DIAPH3: variants seen among roughly 807,000 people sequenced by gnomAD.
DIAPH3 encodes the protein diaphanous related formin 3, also known as protein diaphanous homolog 3.
In DIAPH3, 117 loss-of-function variants were observed where a neutral mutation model predicts 144.3. The observed-to-expected ratio is 0.81, with a 90% CI of 0.70 to 0.95. The LOEUF is 0.95. Ranked by LOEUF, DIAPH3 falls within the 40% of genes least tolerant of loss-of-function variation. The pLI is 0.00. For synonymous variants in DIAPH3, 519 were observed against 488.9 expected, an observed-to-expected ratio of 1.06 and a Z score of -0.81; for missense variants, 1,421 against 1,412.7, an observed-to-expected ratio of 1.01 and a Z score of -0.09.
chr13:59,707,609 T>C (rs2034502912), intron 27 of DIAPH3, among the ~76,000 whole-genome samples: 1 of 152,218 alleles, frequency 6.6e-6, no homozygotes, highest in South Asian at 2.1e-4. Context: ...ATATCAAGGT[T>C]TAATATTTCT....
chr13:59,901,223 A>G (rs1339558064), intron 20 of DIAPH3, among the ~76,000 whole-genome samples: 1 of 152,224 alleles, frequency 6.6e-6, no homozygotes, highest in African/African-American at 2.4e-5. Flanking sequence ...CGGCTTTCTT[A>G]AAATAAAATC....
At chr13:60,006,940 G>A (rs1461268466) in intron 9 of DIAPH3, among the ~76,000 whole-genome samples, 1 of 152,154 alleles carries the variant, frequency 6.6e-6, no homozygotes, top group Non-Finnish European at 1.5e-5. Context: ...CTTCAATCCT[G>A]CCTATTCGAA....
chr13:59,774,807 TC>T lies in DIAPH3; in HGVS notation c.3179del (p.Gly1060GlufsTer2). The T allele has an allele frequency of 1.2e-6, 2 of 1,614,050 alleles. No homozygotes were observed. Among genetic ancestry groups the T allele is most frequent in the Non-Finnish European group, 8.5e-7 (1 of 1,179,958 alleles). ...LEMKTEGDET[G>X]VMDNLLEALQ... ...AGGCCTCCAGCAGATTATCCATCAC[TC>T]CTGTCTCATCACCCTCTGTGAAAAG... On this transcript the variant is annotated frameshift_variant, in exon 26 of 28. Coordinates refer to ENST00000400324, the MANE Select transcript of DIAPH3 (RefSeq NM_001042517.2). LOFTEE classifies it high-confidence loss of function.
chr13:59,897,019 G>A (rs1306441602), intron 20 of DIAPH3, among the ~76,000 whole-genome samples: 3 of 152,108 alleles, frequency 2.0e-5, no homozygotes, highest in Non-Finnish European at 4.4e-5. Context: ...CCAAAGTATA[G>A]AAAGTCTGGA....
At chr13:59,964,028 C>T (rs2049915940) in intron 17 of DIAPH3, among the ~76,000 whole-genome samples, 1 of 152,070 alleles carries the variant, frequency 6.6e-6, no homozygotes, top group Non-Finnish European at 1.5e-5. Flanking sequence ...GAACTTTAAG[C>T]AATCGGAGGG....
chr13:59,977,152 T>C (rs1197319855), intron 14 of DIAPH3, among the ~76,000 whole-genome samples: 1 of 151,758 alleles, frequency 6.6e-6, no homozygotes, highest in Non-Finnish European at 1.5e-5. Flanking sequence ...AGTGTACTTT[T>C]AGTCAGCACA....
intron 3 of DIAPH3, among the ~76,000 whole-genome samples, chr13:60,099,478 G>A (rs777010960): frequency 1.1e-4 from 17 of 152,162 alleles, no homozygotes; most frequent in Non-Finnish European, 2.5e-4. Context: ...ATGATTGCAT[G>A]GCTGACAGGG....
In DIAPH3 at chr13:59,869,231, T is replaced by G. The variant is rs185061068; in HGVS notation, c.2608-7695A>C. On this transcript the variant is annotated intron_variant, in intron 21 of 27. Coordinates refer to ENST00000400324, the MANE Select transcript of DIAPH3 (RefSeq NM_001042517.2). ...CACTTGGTGCTGTCAGTGTTTAGTA[T>G]TTTAGCAATGCCAGTACATATGCAG... Among the ~76,000 whole-genome samples the G allele has an allele frequency of 2.9e-3, 442 of 152,340 alleles. 4 individuals carry two copies. Among genetic ancestry groups the G allele is most frequent in the Non-Finnish European group, 3.0e-3 (201 of 68,024 alleles).
At chr13:59,706,639 T>TA (rs374266198) in intron 27 of DIAPH3, among the ~76,000 whole-genome samples, 4 of 152,328 alleles carry the variant, frequency 2.6e-5, no homozygotes, top group African/African-American at 9.6e-5. Context: ...TAAGACACTT[T>TA]AAAGTGTCCA....
chr13:60,119,446 G>A (rs2058779605), intron 2 of DIAPH3, among the ~76,000 whole-genome samples: 1 of 152,142 alleles, frequency 6.6e-6, no homozygotes, highest in Non-Finnish European at 1.5e-5. Flanking sequence ...ACACAGAAGT[G>A]GTATGAAATG....
chr13:59,842,347 G>C (rs1175334079), intron 22 of DIAPH3, among the ~76,000 whole-genome samples: 2 of 152,110 alleles, frequency 1.3e-5, no homozygotes, highest in Non-Finnish European at 2.9e-5. Flanking sequence ...CTAGAGAACA[G>C]ACCAATAGGT....
At chr13:59,963,636 G>C (rs900496394) in intron 17 of DIAPH3, among the ~76,000 whole-genome samples, 3 of 151,776 alleles carry the variant, frequency 2.0e-5, no homozygotes, top group South Asian at 2.1e-4. Flanking sequence ...GTATGTAATG[G>C]GGGGGAGGGG....
chr13:59,756,345 T>C (rs1431288509), intron 27 of DIAPH3, among the ~76,000 whole-genome samples: 1 of 151,344 alleles, frequency 6.6e-6, no homozygotes, highest in African/African-American at 2.4e-5. Flanking sequence ...AAAGTTATAA[T>C]CTACTAATAC....
In DIAPH3 at chr13:59,992,474, G is replaced by A. The variant is rs772240679; in HGVS notation, c.1124C>T (p.Pro375Leu). The change falls in exon 10 of 28, where the codon CCA (proline) becomes CTA (leucine). Residue 375 changes from proline to leucine, a missense_variant and splice_region_variant. Physicochemically the swap from Pro to Leu is moderately conservative, Grantham distance 98. Coordinates refer to ENST00000400324, the MANE Select transcript of DIAPH3 (RefSeq NM_001042517.2). ...FMRCGLKEIL[P>L]NLKCIKNDGL... Reference sequence around the variant, plus strand: ...ATAAGGAGACTGCAGGGCACTTACTGGCAATATCTCTTTCAATCCACAACG... The same window carrying A: ...ATAAGGAGACTGCAGGGCACTTACTAGCAATATCTCTTTCAATCCACAACG... 1.1e-5 allele frequency: 18 copies of A among 1,609,416 alleles called. No individual in the cohort carries two copies. In the East Asian group the frequency reaches 3.8e-4, roughly 34 times the overall value.
chr13:59,955,546 T>C (rs2049353502), intron 17 of DIAPH3, among the ~76,000 whole-genome samples: 1 of 152,148 alleles, frequency 6.6e-6, no homozygotes, highest in South Asian at 2.1e-4. Context: ...GAGAAGCGAC[T>C]AATACAGTAA....
intron 27 of DIAPH3, among the ~76,000 whole-genome samples, chr13:59,758,940 T>G (rs1457290134): frequency 1.3e-5 from 2 of 150,136 alleles, no homozygotes; most frequent in East Asian, 2.0e-4. Context: ...CCACCAGAAC[T>G]GGCTAATTTT....
chr13:59,899,823 C>T (rs1482941272), intron 20 of DIAPH3, among the ~76,000 whole-genome samples: 1 of 152,058 alleles, frequency 6.6e-6, no homozygotes, highest in African/African-American at 2.4e-5. Flanking sequence ...CTTTTGCCAT[C>T]AATTAAAAAG....
chr13:59,686,052 T>C (rs758604191), intron 27 of DIAPH3, among the ~76,000 whole-genome samples: 1 of 152,144 alleles, frequency 6.6e-6, no homozygotes, highest in Non-Finnish European at 1.5e-5. Flanking sequence ...CTCAGCTTCA[T>C]CAGTCACAAA....
intron 15 of DIAPH3, 118 bp from the exon 16 acceptor site, chr13:59,971,278 TTCATA>T (rs2140578773): frequency 2.1e-6 from 2 of 961,300 alleles, no homozygotes; most frequent in Non-Finnish European, 3.0e-6. Flanking sequence ...TATCAGTAAT[TTCATA>T]AGGTTTAACC....
Sources: allele counts gnomAD v4.1 joint callset (sites outside exome capture counted in the v4.1 genomes callset), GRCh38; gene constraint gnomAD v4.1.1; transcripts MANE v1.5; gene names NCBI Gene and HGNC (gene_info 2026-07-23, HGNC 2026-07-21).